LINGO2: variants seen among roughly 807,000 people sequenced by gnomAD.
The protein encoded by LINGO2 is leucine-rich repeat and immunoglobulin-like domain-containing nogo receptor-interacting protein 2.
A neutral mutation model predicts 30.6 loss-of-function variants in LINGO2; 14 were observed. The ratio of observed to expected loss-of-function variants is 0.46; its 90% CI spans 0.30 to 0.72. The LOEUF (loss-of-function observed/expected upper bound fraction) is 0.72. Among genes scored for constraint, LINGO2 ranks in the 30% least tolerant of loss-of-function variants. The pLI is 0.07. For synonymous variants in LINGO2, 317 were observed against 288.5 expected, an observed-to-expected ratio of 1.10 and a Z score of -1.00; for missense variants, 729 against 751.7, an observed-to-expected ratio of 0.97 and a Z score of 0.35.
chr9:28,306,135 T>C (rs563358548), intron 3 of LINGO2, among the ~76,000 whole-genome samples: 1 of 152,132 alleles, frequency 6.6e-6, no homozygotes, highest in Non-Finnish European at 1.5e-5. Flanking sequence ...CTACTCTTCT[T>C]CCATAATCTG....
chr9:29,060,811 T>C, the LINGO2 span, among the ~76,000 whole-genome samples: 1 of 151,546 alleles, frequency 6.6e-6, no homozygotes, highest in East Asian at 1.9e-4. Flanking sequence ...AGAGTGAAGT[T>C]GAAAGAAATC....
At chr9:28,372,974 A>G (rs1021543308) in intron 2 of LINGO2, 106 bp from the exon 5 acceptor site, 1 of 151,678 alleles carries the variant, frequency 6.6e-6, no homozygotes, top group Non-Finnish European at 1.5e-5. Context: ...ACTTTTACCC[A>G]TTTTTCTTGT....
chr9:27,996,088 TATC>T (rs1821648201), intron 5 of LINGO2, among the ~76,000 whole-genome samples: 1 of 152,046 alleles, frequency 6.6e-6, no homozygotes, highest in Non-Finnish European at 1.5e-5. Context: ...CACAGTGAGA[TATC>T]ATTTCATCCC....
At chr9:28,876,783 G>T in the LINGO2 span, among the ~76,000 whole-genome samples, 1 of 152,086 alleles carries the variant, frequency 6.6e-6, no homozygotes, top group Non-Finnish European at 1.5e-5. Context: ...GGATGGCTGG[G>T]TCAAATGGTA....
At chr9:28,177,751 C>T (rs113149519) in intron 4 of LINGO2, among the ~76,000 whole-genome samples, 2,440 of 152,140 alleles carry the variant, frequency 0.016, 48 homozygotes, top group African/African-American at 0.048. Context: ...ATCTTGCTGG[C>T]CATTTCCTCT....
At chr9:28,479,922 T>TGTAG (rs1307688891) in intron 1 of LINGO2, among the ~76,000 whole-genome samples, 22 of 89,896 alleles carry the variant, frequency 2.4e-4, no homozygotes, top group African/African-American at 1.0e-3. Flanking sequence ...TATATATATA[T>TGTAG]ATATATATAT....
At chr9:28,490,460 A>C (rs952371400) in intron 1 of LINGO2, among the ~76,000 whole-genome samples, 2 of 152,150 alleles carry the variant, frequency 1.3e-5, no homozygotes, top group Non-Finnish European at 2.9e-5. Context: ...GGTAAATCTC[A>C]TAGAGTGGGA....
At chr9:29,009,166 A>G in the LINGO2 span, among the ~76,000 whole-genome samples, 5 of 152,128 alleles carry the variant, frequency 3.3e-5, no homozygotes, top group East Asian at 1.9e-4. Flanking sequence ...TCAACATAGT[A>G]TTGGAAGTTC....
chr9:28,321,688 T>C (rs1159321653), intron 3 of LINGO2, among the ~76,000 whole-genome samples: 1 of 152,190 alleles, frequency 6.6e-6, no homozygotes, highest in African/African-American at 2.4e-5. Flanking sequence ...CCATTCAACA[T>C]GAACAGGCTT....
At chr9:28,869,407 A>G in the LINGO2 span, among the ~76,000 whole-genome samples, 2 of 152,074 alleles carry the variant, frequency 1.3e-5, no homozygotes, top group African/African-American at 4.8e-5. Flanking sequence ...GTTTAAAAGT[A>G]TTTGACCAGG....
intron 4 of LINGO2, among the ~76,000 whole-genome samples, chr9:28,027,318 G>T (rs1023319172): frequency 6.6e-5 from 10 of 152,090 alleles, no homozygotes; most frequent in Non-Finnish European, 1.3e-4. Flanking sequence ...CGCAAGTGGT[G>T]GTTCAAGCAT....
the LINGO2 span, among the ~76,000 whole-genome samples, chr9:28,902,560 C>T: frequency 2.0e-5 from 3 of 152,094 alleles, no homozygotes; most frequent in Non-Finnish European, 2.9e-5. Flanking sequence ...AGAGAGCATT[C>T]TATCCAATAG....
the LINGO2 span, among the ~76,000 whole-genome samples, chr9:29,014,359 C>G: frequency 6.6e-6 from 1 of 152,160 alleles, no homozygotes; most frequent in Non-Finnish European, 1.5e-5. Context: ...CACCACTGCA[C>G]TTGCCTATTT....
the LINGO2 span, among the ~76,000 whole-genome samples, chr9:28,685,556 A>G: frequency 6.6e-6 from 1 of 152,118 alleles, no homozygotes. Flanking sequence ...TTATACTCAG[A>G]TATCTTTGGA....
At chr9:28,971,069 CAG>C in the LINGO2 span, among the ~76,000 whole-genome samples, 551 of 152,236 alleles carry the variant, frequency 3.6e-3, 15 homozygotes, top group East Asian at 0.057. Context: ...CAGAACTGGT[CAG>C]AGTTATGAGA....
the LINGO2 span, among the ~76,000 whole-genome samples, chr9:29,081,852 C>T: frequency 6.6e-6 from 1 of 151,486 alleles, no homozygotes; most frequent in African/African-American, 2.4e-5. Flanking sequence ...AATAAAATAC[C>T]TAGGAATCCA....
chr9:28,554,380 C>G (rs1279623299), intron 1 of LINGO2, among the ~76,000 whole-genome samples: 2 of 144,584 alleles, frequency 1.4e-5, no homozygotes, highest in Non-Finnish European at 3.0e-5. Flanking sequence ...TTTAAACCAA[C>G]AAAGATCAAA....
chr9:28,837,813 G>A, the LINGO2 span, among the ~76,000 whole-genome samples: 1 of 150,468 alleles, frequency 6.6e-6, no homozygotes, highest in African/African-American at 2.4e-5. Context: ...CAAAATGCCA[G>A]AGAAGGATAA....
intron 1 of LINGO2, among the ~76,000 whole-genome samples, chr9:28,578,076 A>C (rs1824078908): frequency 6.6e-6 from 1 of 152,188 alleles, no homozygotes; most frequent in Non-Finnish European, 1.5e-5. Context: ...TACATTCAGA[A>C]GGTGCTGAAA....
Sources: gnomAD v4.1 joint callset for allele counts (sites outside exome capture counted in the v4.1 genomes callset) on GRCh38, gnomAD v4.1.1 for gene constraint, MANE v1.5 for transcripts, NCBI Gene and HGNC (gene_info 2026-07-23, HGNC 2026-07-21) for gene names.